VLDLR: variants seen among roughly 807,000 people sequenced by gnomAD.
The protein encoded by VLDLR is very low density lipoprotein receptor.
VLDLR carries 81 observed loss-of-function variants against 112.7 expected under a neutral mutation model. The observed-to-expected ratio is 0.72, with a 90% CI of 0.60 to 0.86. The LOEUF is 0.86. Ranked by LOEUF, VLDLR falls within the 40% of genes least tolerant of loss-of-function variation. The probability of loss-of-function intolerance (pLI) is 0.00; values close to 1 mark genes in which losing one functional copy is unlikely to be tolerated. For synonymous variants in VLDLR, 436 were observed against 384.8 expected (o/e 1.13, Z -1.56); for missense variants, 1,237 against 1,099.4 (o/e 1.13, Z -1.77).
intron 1 of VLDLR, among the ~76,000 whole-genome samples, chr9:2,628,128 G>C (rs150612933): frequency 6.6e-6 from 1 of 152,254 alleles, no homozygotes; most frequent in East Asian, 1.9e-4. Flanking sequence ...AGGATGTCAG[G>C]CACCAGGTCC....
chr9:2,622,713 G>T (rs745884170), intron 1 of VLDLR, among the ~76,000 whole-genome samples: 2 of 152,136 alleles, frequency 1.3e-5, no homozygotes, highest in Non-Finnish European at 2.9e-5. Flanking sequence ...TGCGGGAGCG[G>T]ACGGGGGGAG....
chr9:2,630,201 T>C (rs1392648355), intron 1 of VLDLR, among the ~76,000 whole-genome samples: 1 of 152,186 alleles, frequency 6.6e-6, no homozygotes. Flanking sequence ...GTACTTTGCC[T>C]CTTACAAACC....
chr9:2,621,859 TCTCGGCTCCCCACCCCCTCTCCCTTCC>T lies in VLDLR; in HGVS notation c.-327_-301del. ...CTCTCCGTTCTGTGCTCTCTTCTGC[TCTCGGCTCCCCACCCCCTCTCCCTTCC>T]CTCCTCTCCCCTTGCCTCCCCTCCT... is the stretch of plus-strand genomic sequence containing the variant. On this transcript the variant is annotated 5_prime_UTR_variant, in exon 1 of 19. Coordinates refer to ENST00000382100, the MANE Select transcript of VLDLR (RefSeq NM_003383.5). 1 of 558,572 alleles carries T rather than the reference TCTCGGCTCCCCACCCCCTCTCCCTTCC, an allele frequency of 1.8e-6. No individual in the cohort carries two copies. The highest frequency in any genetic ancestry group is 1.5e-5 in the South Asian group (1 of 64,872). The allele number at this position is 558,572 out of a possible 1,614,324, so 34.6% of individuals were successfully genotyped here.
At chr9:2,631,943 A>C (rs1283116489) in intron 1 of VLDLR, among the ~76,000 whole-genome samples, 1 of 152,102 alleles carries the variant, frequency 6.6e-6, no homozygotes, top group Non-Finnish European at 1.5e-5. Flanking sequence ...TTAGAGAAGC[A>C]AGGCTCCCAG....
At chr9:2,632,395 G>A (rs943937967) in intron 1 of VLDLR, among the ~76,000 whole-genome samples, 2 of 152,248 alleles carry the variant, frequency 1.3e-5, no homozygotes, top group South Asian at 2.1e-4. Context: ...GAAATGCCTA[G>A]CACTTCTACT....
In VLDLR at chr9:2,639,967, GC is replaced by G. The variant is rs1191608852; in HGVS notation, c.314del (p.Pro105GlnfsTer6). On this transcript the variant is annotated frameshift_variant, in exon 3 of 19. Transcript: ENST00000382100. LOFTEE classifies it high-confidence loss of function. ...DPDCEDGSDE[S>X]PEQCHMRTCR... ...GACTGCGAAGATGGTTCAGATGAAA[GC>G]CCAGAACAGTGCCGTGAGTGTAACT... is the stretch of plus-strand genomic sequence containing the variant. The G allele has an allele frequency of 1.2e-6, 2 of 1,614,086 alleles. No homozygotes were observed. The highest frequency in any genetic ancestry group is 1.7e-6 in the Non-Finnish European group (2 of 1,180,046).
rs760319642 is a variant in VLDLR, at chr9:2,635,501, G to T, written c.131G>T (p.Arg44Leu). The T allele has an allele frequency of 1.2e-6, 2 of 1,614,004 alleles. No homozygotes were observed. ...EPSQFQCTNGRCITLLWKCDG... is the reference protein window; with the variant it reads ...EPSQFQCTNGLCITLLWKCDG... ...TCCCAATTCCAGTGCACAAATGGTCGCTGTATTACGCTGTTGTGGAAATGT... is the reference window on the plus strand; with the variant it reads ...TCCCAATTCCAGTGCACAAATGGTCTCTGTATTACGCTGTTGTGGAAATGT... The change falls in exon 2 of 19, where the codon CGC becomes CTC. Residue 44 changes from arginine to leucine, a missense_variant. By Grantham distance (102) the Arg-to-Leu change is moderately radical. Coordinates refer to ENST00000382100, the MANE Select transcript of VLDLR (RefSeq NM_003383.5).
rs1818660967 is a variant in VLDLR at position 2,657,873 on chromosome 9, A to T, written c.*4005A>T. ...ATAATGACTTCTCTTCTAGAATTGT[A>T]ATACTAAAAAACTACTCGAGTAAAT... On this transcript the variant is annotated 3_prime_UTR_variant, in exon 19 of 19. Transcript: ENST00000382100. The T allele has an allele frequency of 6.6e-6, 1 of 152,206 alleles. No homozygotes were observed. Among genetic ancestry groups the T allele is most frequent in the Non-Finnish European group, 1.5e-5 (1 of 68,034 alleles). 9.4% of individuals were successfully genotyped at this position (152,206 alleles called of 1,614,324 possible).
At chr9:2,633,544 T>C (rs1219186520) in intron 1 of VLDLR, among the ~76,000 whole-genome samples, 1 of 152,190 alleles carries the variant, frequency 6.6e-6, no homozygotes, top group African/African-American at 2.4e-5. Flanking sequence ...GGTTTCCATT[T>C]TGATTATGTA....
chr9:2,649,276 G>A (rs1818208978), intron 14 of VLDLR, among the ~76,000 whole-genome samples: 1 of 152,212 alleles, frequency 6.6e-6, no homozygotes, highest in Non-Finnish European at 1.5e-5. Context: ...CTTGAGGGCT[G>A]TGAGGGAAGG....
At chr9:2,646,266 A>ATTGGTC in intron 10 of VLDLR, 68 bp from the exon 11 acceptor site, 2 of 1,525,052 alleles carry the variant, frequency 1.3e-6, no homozygotes, top group Non-Finnish European at 1.8e-6. Flanking sequence ...TTTTGTAAGC[A>ATTGGTC]AAAAGTCCAT....
At chr9:2,647,695 C>G in intron 12 of VLDLR, 103 bp downstream of exon 12, 1 of 1,036,548 alleles carries the variant, frequency 9.6e-7, no homozygotes, top group Non-Finnish European at 1.5e-6. Flanking sequence ...CTACTGCTTC[C>G]GCCTAAATTC....
At position 2,643,177 on chromosome 9, in the gene VLDLR, C is replaced by G; in HGVS notation, c.466C>G (p.Pro156Ala). The G allele has an allele frequency of 6.2e-7, 1 of 1,612,334 alleles. No homozygotes were observed. The highest frequency in any genetic ancestry group is 8.5e-7 in the Non-Finnish European group (1 of 1,180,020). The stretch of plus-strand genomic sequence containing the variant: ...CTTAATAGGCAATATAACATGTAGT[C>G]CCGACGAGTTCACCTGCTCCAGTGG... ...EENCGNITCSPDEFTCSSGRC... is the reference protein window; with the variant it reads ...EENCGNITCSADEFTCSSGRC... Residue 156 changes from proline (P) to alanine (A), a missense_variant, in exon 5 of 19, where the codon CCC (proline) becomes GCC (alanine). Coordinates refer to ENST00000382100, the MANE Select transcript of VLDLR (RefSeq NM_003383.5).
At chr9:2,626,705 G>C (rs977720199) in intron 1 of VLDLR, among the ~76,000 whole-genome samples, 6 of 152,204 alleles carry the variant, frequency 3.9e-5, no homozygotes, top group African/African-American at 1.4e-4. Flanking sequence ...CATCTGGGGA[G>C]CCTTTATGTA....
intron 2 of VLDLR, among the ~76,000 whole-genome samples, chr9:2,639,627 CTCTG>C (rs1817742599): frequency 6.6e-6 from 1 of 152,118 alleles, no homozygotes; most frequent in African/African-American, 2.4e-5. Context: ...AATGGGCAAC[CTCTG>C]TCTGACCTTG....
chr9:2,647,818 C>G, intron 12 of VLDLR: 3 of 625,324 alleles, frequency 4.8e-6, no homozygotes, highest in East Asian at 2.8e-5. Context: ...ATATGTGACA[C>G]AAATTCAGTG....
At position 2,642,101 on chromosome 9, in the gene VLDLR, A is replaced by G. The variant is rs534164847; in HGVS notation, c.448+602A>G. Among the ~76,000 whole-genome samples, 94 of 152,050 alleles carry G rather than the reference A, an allele frequency of 6.2e-4. 1 individual carries two copies. The highest frequency in any genetic ancestry group is 1.9e-3 in the African/African-American group (80 of 41,466). ...TCTCTGAAAGCTAACTCTGCTTCCT[A>G]TTCTTTCATGTTTCTGGTCTTGGAA... On this transcript the variant is annotated intron_variant, in intron 4 of 18. Coordinates refer to ENST00000382100, the MANE Select transcript of VLDLR (RefSeq NM_003383.5).
intron 7 of VLDLR, 68 bp downstream of exon 7, chr9:2,644,027 G>A: frequency 1.2e-6 from 2 of 1,611,232 alleles, no homozygotes; most frequent in Non-Finnish European, 8.5e-7. Context: ...CTAACACTGT[G>A]TGGACCCCCC....
chr9:2,621,974 A>G lies in VLDLR; in HGVS notation c.-216A>G. On this transcript the variant is annotated 5_prime_UTR_variant, in exon 1 of 19. Transcript: ENST00000382100. ...CTTGCACTGCTGCTGCAGCCCGGGGAGGTGGCTGGGTGGGTGGGGAGGAGA... is the reference window on the plus strand; with the variant it reads ...CTTGCACTGCTGCTGCAGCCCGGGGGGGTGGCTGGGTGGGTGGGGAGGAGA... 1 of 646,820 alleles carries G rather than the reference A, an allele frequency of 1.5e-6. No individual in the cohort carries two copies. The highest frequency in any genetic ancestry group is 2.2e-5 in the Admixed American group (1 of 45,886). The allele number at this position is 646,820 out of a possible 1,614,324, so 40.1% of individuals were successfully genotyped here. A position where few individuals can be genotyped will look rare whatever the true frequency, so the allele number is the denominator to read the frequency against.
Sources: allele counts gnomAD v4.1 joint callset (sites outside exome capture counted in the v4.1 genomes callset), GRCh38; gene constraint gnomAD v4.1.1; transcripts MANE v1.5; gene names NCBI Gene and HGNC (gene_info 2026-07-23, HGNC 2026-07-21).